RAPGEF3: variants seen among roughly 807,000 people sequenced by gnomAD.
RAPGEF3 encodes Rap guanine nucleotide exchange factor 3.
A neutral mutation model predicts 129.8 loss-of-function variants in RAPGEF3; 103 were observed. The ratio of observed to expected loss-of-function variants is 0.79; its 90% CI spans 0.68 to 0.93. The LOEUF is 0.93. Ranked by LOEUF, RAPGEF3 falls within the 40% of genes least tolerant of loss-of-function variation. The pLI is 0.00. For missense variants in RAPGEF3, 1,117 were observed against 1,207.4 expected (o/e 0.93, Z 1.11); for synonymous variants, 436 against 482.6 (o/e 0.90, Z 1.26).
intron 2 of RAPGEF3, 114 bp downstream of exon 2, chr12:47,757,752 C>A: frequency 9.7e-7 from 1 of 1,028,846 alleles, no homozygotes; most frequent in Non-Finnish European, 1.4e-6. Flanking sequence ...GGCAGCTGTA[C>A]CACTGTACAC....
At chr12:47,754,917 C>T (rs73105873) in intron 2 of RAPGEF3, among the ~76,000 whole-genome samples, 1,977 of 152,280 alleles carry the variant, frequency 0.013, 21 homozygotes, top group East Asian at 0.044. Context: ...GTGGCCTGCC[C>T]CACCCTCACT....
Position 47,737,543 on chromosome 12 carries a change from T to C in RAPGEF3, c.*24A>G, listed in dbSNP as rs767758954. ...GGCTTTCCCGGCTGCAAGTGCCTGC[T>C]CCAGCTCCAGTCCCAGCCCCTCCTC... On this transcript the variant is annotated 3_prime_UTR_variant, in exon 28 of 28. Transcript: ENST00000449771. The C allele has an allele frequency of 3.7e-6, 6 of 1,602,408 alleles. No individual in the cohort carries two copies. The highest frequency in any genetic ancestry group is 5.1e-6 in the Non-Finnish European group (6 of 1,172,728).
intron 24 of RAPGEF3, 101 bp from the exon 25 acceptor site, chr12:47,738,855 C>G (rs1940960018): frequency 7.6e-6 from 8 of 1,051,418 alleles, no homozygotes; most frequent in Middle Eastern, 4.2e-4. Context: ...CTACCTCACC[C>G]CATAGAGCCC....
chr12:47,750,509 C>A, intron 6 of RAPGEF3, 84 bp from the exon 7 acceptor site: 1 of 1,266,750 alleles, frequency 7.9e-7, no homozygotes, highest in Non-Finnish European at 1.1e-6. Context: ...CCAGCCGATG[C>A]CTGTGCCAGA....
chr12:47,739,267 C>G, intron 23 of RAPGEF3, 37 bp from the exon 24 acceptor site: 2 of 1,505,666 alleles, frequency 1.3e-6, no homozygotes, highest in African/African-American at 1.4e-5. Context: ...GTTGCACACA[C>G]CATAAGCCAC....
chr12:47,740,295 C>A lies in RAPGEF3; in HGVS notation c.2322+10G>T. 4 of 1,613,882 alleles carry A rather than the reference C, an allele frequency of 2.5e-6. No homozygotes were observed. The highest frequency in any genetic ancestry group is 3.4e-6 in the Non-Finnish European group (4 of 1,179,800). ...TGACCTCAGGAGGGGGCCCTCCAGA[C>A]CACACTTACCTCCCAGGTGTGGGCT... On this transcript the variant is annotated intron_variant, in intron 22 of 27. Coordinates refer to ENST00000449771, the MANE Select transcript of RAPGEF3 (RefSeq NM_001098531.4).
intron 2 of RAPGEF3, among the ~76,000 whole-genome samples, chr12:47,756,915 G>A (rs1356810739): frequency 6.6e-6 from 1 of 151,744 alleles, no homozygotes; most frequent in Non-Finnish European, 1.5e-5. Flanking sequence ...GCTGTAGTGA[G>A]CCAAGATTGC....
At position 47,751,038 on chromosome 12, in the gene RAPGEF3, T is replaced by A; in HGVS notation, c.671+10A>T. ...GCCTGGGGTCACGGGGTGCAGGGAT[T>A]CTGACTCACGGCTTTCGAAGTGCCA... is the stretch of plus-strand genomic sequence containing the variant. On this transcript the variant is annotated intron_variant, in intron 6 of 27. Coordinates refer to ENST00000449771, the MANE Select transcript of RAPGEF3 (RefSeq NM_001098531.4). 6.3e-7 allele frequency: 1 copy of A among 1,596,566 alleles called. No homozygotes were observed. The highest frequency in any genetic ancestry group is 1.1e-5 in the South Asian group (1 of 87,520).
intron 24 of RAPGEF3, 173 bp from the exon 25 acceptor site, chr12:47,738,927 G>A: frequency 1.4e-6 from 1 of 715,464 alleles, no homozygotes. Context: ...CCTGAAGGCA[G>A]CCCGTATTTG....
Position 47,758,110 on chromosome 12 carries a change from G to A in RAPGEF3, c.7-32C>T, listed in dbSNP as rs748035314. 5 of 1,542,898 alleles carry A rather than the reference G, an allele frequency of 3.2e-6. 1 individual carries two copies. The South Asian group carries it at 6.0e-5, about 18-fold the overall frequency. Reference sequence around the variant, plus strand: ...CACGGGGAGGAAAGTGGACAGCCATGGGACACGACTGGGGCGGCTGGGCCA... The same window carrying A: ...CACGGGGAGGAAAGTGGACAGCCATAGGACACGACTGGGGCGGCTGGGCCA... On this transcript the variant is annotated intron_variant, in intron 1 of 27. Coordinates refer to ENST00000449771, the MANE Select transcript of RAPGEF3 (RefSeq NM_001098531.4).
intron 7 of RAPGEF3, 26 bp from the exon 8 acceptor site, chr12:47,750,016 G>A (rs1421328435): frequency 6.2e-7 from 1 of 1,614,098 alleles, no homozygotes; most frequent in Non-Finnish European, 8.5e-7. Flanking sequence ...AGGAGAGTCG[G>A]TGGCGACAAG....
chr12:47,738,354 G>A, intron 25 of RAPGEF3, 107 bp from the exon 26 acceptor site: 3 of 1,437,594 alleles, frequency 2.1e-6, no homozygotes, highest in Non-Finnish European at 2.9e-6. Context: ...ATCAGGGACT[G>A]TAAGATCCTT....
At chr12:47,744,129 A>G in intron 16 of RAPGEF3, 61 bp from the exon 17 acceptor site, 2 of 1,360,262 alleles carry the variant, frequency 1.5e-6, no homozygotes, top group Non-Finnish European at 2.1e-6. Flanking sequence ...CCGTGGAGGG[A>G]GGGATTGTGA....
chr12:47,747,947 G>A (rs1941518822), intron 13 of RAPGEF3, 85 bp from the exon 14 acceptor site: 1 of 1,587,534 alleles, frequency 6.3e-7, no homozygotes, highest in Non-Finnish European at 8.6e-7. Flanking sequence ...AGGGCCCCTG[G>A]CAAGCTGGGC....
chr12:47,758,421 C>T (rs144542618), intron 1 of RAPGEF3, 130 bp downstream of exon 1: 17 of 1,542,218 alleles, frequency 1.1e-5, no homozygotes, highest in African/African-American at 1.4e-5. Flanking sequence ...AATGCAGCTT[C>T]GGCTTAAACC....
rs753603552 is a variant in RAPGEF3 at position 47,740,839 on chromosome 12, A to C, written c.2050-16T>G. 1 of 1,613,634 alleles carries C rather than the reference A, an allele frequency of 6.2e-7. No individual in the cohort carries two copies. The highest frequency in any genetic ancestry group is 2.2e-5 in the East Asian group (1 of 44,870). ...TCAGCTCCACCTGGGTGGGGTCAGC[A>C]GGAGAGGTCAGCGAGTGCTGAGCCG... On this transcript the variant is annotated splice_polypyrimidine_tract_variant and intron_variant, in intron 20 of 27. Coordinates refer to ENST00000449771, the MANE Select transcript of RAPGEF3 (RefSeq NM_001098531.4).
In RAPGEF3 at chr12:47,737,535, G is replaced by T. The variant is rs1318873125; in HGVS notation, c.*32C>A. On this transcript the variant is annotated 3_prime_UTR_variant, in exon 28 of 28. Transcript: ENST00000449771. ...CACACCCTGGCTTTCCCGGCTGCAA[G>T]TGCCTGCTCCAGCTCCAGTCCCAGC... The T allele has an allele frequency of 6.3e-7, 1 of 1,592,850 alleles. No homozygotes were observed. Among genetic ancestry groups the T allele is most frequent in the South Asian group, 1.1e-5 (1 of 89,900 alleles).
chr12:47,737,757 C>A (rs1163409962), intron 27 of RAPGEF3, 72 bp from the exon 28 acceptor site: 9 of 1,387,936 alleles, frequency 6.5e-6, no homozygotes, highest in Non-Finnish European at 8.2e-6. Flanking sequence ...TCCAAGGAGC[C>A]ATATCACATC....
intron 2 of RAPGEF3, chr12:47,754,120 G>A (rs893530363): frequency 6.6e-6 from 1 of 152,246 alleles, no homozygotes; most frequent in Non-Finnish European, 1.5e-5. Flanking sequence ...AAAGCTCCAA[G>A]GTTCTATAAC....
Sources: gnomAD v4.1 joint callset for allele counts (sites outside exome capture counted in the v4.1 genomes callset) on GRCh38, gnomAD v4.1.1 for gene constraint, MANE v1.5 for transcripts, NCBI Gene and HGNC (gene_info 2026-07-23, HGNC 2026-07-21) for gene names.